The following PRKCA variants were observed in gnomAD, a reference collection of about 807,000 sequenced individuals.
The protein encoded by PRKCA is protein kinase C alpha type.
PRKCA carries 27 observed loss-of-function variants against 87.0 expected under a neutral mutation model. That is an observed-to-expected ratio of 0.31 (90% CI 0.23 to 0.43). The LOEUF is 0.43. Among genes scored for constraint, PRKCA ranks in the 20% least tolerant of loss-of-function variants. PRKCA has a pLI of 1.00. For missense variants in PRKCA, 518 were observed against 852.3 expected, an observed-to-expected ratio of 0.61 and a Z score of 4.88; for synonymous variants, 329 against 311.1, an observed-to-expected ratio of 1.06 and a Z score of -0.61.
At chr17:66,564,003 C>CTTCCTTCCT (rs762381346) in intron 3 of PRKCA, among the ~76,000 whole-genome samples, 63 of 100,298 alleles carry the variant, frequency 6.3e-4, no homozygotes, top group Middle Eastern at 5.4e-3. Context: ...TCCTTCCTTC[C>CTTCCTTCCT]TCCTTTCTTT....
At chr17:66,621,394 AC>A (rs1334419104) in intron 3 of PRKCA, among the ~76,000 whole-genome samples, 2 of 152,134 alleles carry the variant, frequency 1.3e-5, no homozygotes, top group Admixed American at 6.5e-5. Flanking sequence ...GGATCTAGAA[AC>A]CCTATTTCCT....
intron 2 of PRKCA, among the ~76,000 whole-genome samples, chr17:66,427,284 G>A (rs1162043895): frequency 6.6e-6 from 1 of 152,176 alleles, no homozygotes; most frequent in Non-Finnish European, 1.5e-5. Context: ...CACCCGCCTT[G>A]GCCTCCCAAA....
intron 5 of PRKCA, among the ~76,000 whole-genome samples, chr17:66,674,367 C>G (rs1198024830): frequency 6.6e-6 from 1 of 152,196 alleles, no homozygotes; most frequent in Non-Finnish European, 1.5e-5. Context: ...CAGAGATACA[C>G]GTGTTCAGCA....
chr17:66,377,725 T>A lies in PRKCA; in HGVS notation c.205+71598T>A, dbSNP rs868203147. ...TTTATATATATATATATATATATTTTTTTTTTTTTTTTTTTTTGAGGCAGG... is the reference window on the plus strand; with the variant it reads ...TTTATATATATATATATATATATTTATTTTTTTTTTTTTTTTTGAGGCAGG... On this transcript the variant is annotated intron_variant, in intron 2 of 16. Coordinates refer to ENST00000413366, the MANE Select transcript of PRKCA (RefSeq NM_002737.3). Among the ~76,000 whole-genome samples the A allele has an allele frequency of 9.2e-3, 1,103 of 120,446 alleles. 14 individuals carry two copies. Among genetic ancestry groups the A allele is most frequent in the East Asian group, 0.072 (285 of 3,960 alleles). The allele number at this position is 120,446 out of a possible 152,430, so 79.0% of individuals were successfully genotyped here. A position where few individuals can be genotyped will look rare whatever the true frequency, so the allele number is the denominator to read the frequency against.
chr17:66,303,280 C>G (rs1405250513), intron 1 of PRKCA, among the ~76,000 whole-genome samples: 1 of 151,922 alleles, frequency 6.6e-6, no homozygotes, highest in Non-Finnish European at 1.5e-5. Context: ...CGAAGGGGAT[C>G]CCTCTCCGGG....
At chr17:66,311,475 G>A (rs1272249550) in intron 2 of PRKCA, among the ~76,000 whole-genome samples, 1 of 152,216 alleles carries the variant, frequency 6.6e-6, no homozygotes, top group Non-Finnish European at 1.5e-5. Flanking sequence ...AAGTAGCTGG[G>A]CATGGTGGTG....
intron 3 of PRKCA, among the ~76,000 whole-genome samples, chr17:66,602,410 C>G (rs1970069382): frequency 6.7e-6 from 1 of 149,704 alleles, no homozygotes; most frequent in African/African-American, 2.5e-5. Context: ...TGAGGCAATG[C>G]CTCGCCCTGC....
intron 3 of PRKCA, among the ~76,000 whole-genome samples, chr17:66,531,680 CCCTT>C: frequency 6.6e-6 from 1 of 152,294 alleles, no homozygotes; most frequent in Non-Finnish European, 1.5e-5. Flanking sequence ...ACTGCTGTCT[CCCTT>C]CAAGGGTTAA....
At chr17:66,603,906 G>C (rs149984277) in intron 3 of PRKCA, among the ~76,000 whole-genome samples, 2 of 152,276 alleles carry the variant, frequency 1.3e-5, no homozygotes, top group Non-Finnish European at 2.9e-5. Flanking sequence ...TTAGTATGAA[G>C]TCCTCAGGGT....
At chr17:66,497,554 T>A (rs915065044) in intron 3 of PRKCA, among the ~76,000 whole-genome samples, 9 of 151,460 alleles carry the variant, frequency 5.9e-5, no homozygotes, top group African/African-American at 2.2e-4. Flanking sequence ...CTAAAATATG[T>A]TGGATAGAGA....
intron 3 of PRKCA, among the ~76,000 whole-genome samples, chr17:66,512,638 G>A (rs942835918): frequency 6.6e-6 from 1 of 152,102 alleles, no homozygotes; most frequent in Non-Finnish European, 1.5e-5. Flanking sequence ...TCTTCATGAT[G>A]CTCATTCGTA....
intron 3 of PRKCA, among the ~76,000 whole-genome samples, chr17:66,548,539 C>T (rs1452816305): frequency 3.9e-5 from 6 of 152,172 alleles, no homozygotes; most frequent in African/African-American, 1.4e-4. Context: ...TACAACAACC[C>T]ATTAAGATAG....
chr17:66,326,295 G>A (rs763940671), intron 2 of PRKCA, among the ~76,000 whole-genome samples: 4 of 152,170 alleles, frequency 2.6e-5, no homozygotes, highest in East Asian at 1.9e-4. Context: ...TAATTTCTCC[G>A]TGGGTTTGCA....
intron 2 of PRKCA, among the ~76,000 whole-genome samples, chr17:66,469,011 T>C (rs1915210745): frequency 6.6e-6 from 1 of 152,208 alleles, no homozygotes; most frequent in Non-Finnish European, 1.5e-5. Flanking sequence ...GGCCATGGAC[T>C]CTGAGAATGG....
intron 13 of PRKCA, among the ~76,000 whole-genome samples, chr17:66,759,743 A>G (rs537690327): frequency 2.0e-5 from 3 of 152,244 alleles, no homozygotes; most frequent in Admixed American, 2.0e-4. Flanking sequence ...GATATAAAAG[A>G]TATATCATGC....
chr17:66,565,356 T>G (rs535346293), intron 3 of PRKCA, among the ~76,000 whole-genome samples: 4 of 152,326 alleles, frequency 2.6e-5, no homozygotes, highest in African/African-American at 9.6e-5. Flanking sequence ...GCATTGTACC[T>G]TCTCCATTTA....
chr17:66,595,707 C>T (rs1475014889), intron 3 of PRKCA, among the ~76,000 whole-genome samples: 2 of 152,024 alleles, frequency 1.3e-5, no homozygotes, highest in African/African-American at 2.4e-5. Context: ...GTGATCCGCC[C>T]GCCTCGGCCT....
At chr17:66,365,348 G>A (rs1908648188) in intron 2 of PRKCA, among the ~76,000 whole-genome samples, 1 of 152,148 alleles carries the variant, frequency 6.6e-6, no homozygotes, top group Non-Finnish European at 1.5e-5. Context: ...CCGTCTTGCT[G>A]GCTTCCTGCA....
At chr17:66,736,324 C>T (rs1444583834) in intron 10 of PRKCA, among the ~76,000 whole-genome samples, 2 of 150,944 alleles carry the variant, frequency 1.3e-5, no homozygotes, top group South Asian at 2.1e-4. Context: ...CTTCCCCAGG[C>T]TGGAGTGCAA....
Sources: gnomAD v4.1 joint callset for allele counts (sites outside exome capture counted in the v4.1 genomes callset) on GRCh38, gnomAD v4.1.1 for gene constraint, MANE v1.5 for transcripts, NCBI Gene and HGNC (gene_info 2026-07-23, HGNC 2026-07-21) for gene names.